SLC7A5: variants seen among roughly 807,000 people sequenced by gnomAD.
The protein encoded by SLC7A5 is large neutral amino acids transporter small subunit 1.
A neutral mutation model predicts 50.2 loss-of-function variants in SLC7A5; 23 were observed. That is an observed-to-expected ratio of 0.46 (90% CI 0.33 to 0.65). The LOEUF is 0.65. Among genes scored for constraint, SLC7A5 ranks in the 30% least tolerant of loss-of-function variants. The pLI, the probability that SLC7A5 is intolerant of heterozygous loss-of-function variation, is 0.02. For synonymous variants in SLC7A5, 393 were observed against 330.6 expected, an observed-to-expected ratio of 1.19 and a Z score of -2.05; for missense variants, 578 against 684.4, an observed-to-expected ratio of 0.84 and a Z score of 1.73.
chr16:87,846,451 C>T lies in SLC7A5; in HGVS notation c.664+5273G>A, dbSNP rs944698463. Among the ~76,000 whole-genome samples the T allele has an allele frequency of 2.4e-4, 37 of 152,238 alleles. 1 individual carries two copies. Among genetic ancestry groups the T allele is most frequent in the Non-Finnish European group, 1.5e-5 (1 of 68,040 alleles). On this transcript the variant is annotated intron_variant, in intron 2 of 9. Coordinates refer to ENST00000261622, the MANE Select transcript of SLC7A5 (RefSeq NM_003486.7). ...GCGGGGCCCGAAGCTCCATCCTGTC[C>T]CCCAAAACTCAGACGTGGAAGCCCT...
Position 87,841,794 on chromosome 16 carries a change from C to T in SLC7A5, c.665-639G>A, listed in dbSNP as rs566476385. 9.2e-5 allele frequency among the ~76,000 whole-genome samples: 14 copies of T among 152,364 alleles called. No individual in the cohort carries two copies. The East Asian group carries it at 2.5e-3, about 27-fold the overall frequency. On this transcript the variant is annotated intron_variant, in intron 2 of 9. Coordinates refer to ENST00000261622, the MANE Select transcript of SLC7A5 (RefSeq NM_003486.7). This position sits in a 1 kb window ranked among gnomAD's most constrained non-coding sequence, Gnocchi z 4.8. ...AGCTCTCTCCTTTGCCCTCTGAGGA[C>T]ACGCGTCACTGGACTTCGTGACTGC...
rs2143824529 is a variant in SLC7A5 at position 87,861,167 on chromosome 16, C to T, written c.538+7718G>A. Among the ~76,000 whole-genome samples, 1 of 152,326 alleles carries T rather than the reference C, an allele frequency of 6.6e-6. No individual in the cohort carries two copies. On this transcript the variant is annotated intron_variant, in intron 1 of 9. Transcript: ENST00000261622. The surrounding 1 kb of genome is among the most constrained non-coding windows in gnomAD (Gnocchi z 4.2). ...GCAAGGCCTGCCCATGGCCAGCTAT[C>T]CAGGTGATGCTCCAGGGAGGGCCAG... is the stretch of plus-strand genomic sequence containing the variant.
chr16:87,841,404 C>A lies in SLC7A5; in HGVS notation c.665-249G>T, dbSNP rs1231732590. Among the ~76,000 whole-genome samples, 1 of 152,200 alleles carries A rather than the reference C, an allele frequency of 6.6e-6. No homozygotes were observed. Among genetic ancestry groups the A allele is most frequent in the Non-Finnish European group, 1.5e-5 (1 of 68,036 alleles). ...GAGAGGGCACAGGCAGTTCTGACCA[C>A]TGCCCAGGAGGGCTCCTCAGACGCT... On this transcript the variant is annotated intron_variant, in intron 2 of 9. Transcript: ENST00000261622. The surrounding 1 kb of genome is among the most constrained non-coding windows in gnomAD (Gnocchi z 4.8).
At chr16:87,859,417 C>T (rs1471996164) in intron 1 of SLC7A5, among the ~76,000 whole-genome samples, 3 of 152,276 alleles carry the variant, frequency 2.0e-5, no homozygotes, top group Non-Finnish European at 4.4e-5. Flanking sequence ...GGACTGGCCC[C>T]GGGGTCACCA....
chr16:87,866,660 T>A (rs1251794707), intron 1 of SLC7A5, among the ~76,000 whole-genome samples: 2 of 152,058 alleles, frequency 1.3e-5, no homozygotes, highest in African/African-American at 4.8e-5. Context: ...AGAGATGGGG[T>A]TTCACCATGT....
At chr16:87,864,061 G>C (rs1252104788) in intron 1 of SLC7A5, among the ~76,000 whole-genome samples, 3 of 140,990 alleles carry the variant, frequency 2.1e-5, no homozygotes, top group Non-Finnish European at 4.6e-5. Context: ...GGAGGCCGAG[G>C]TGGGCGGATC....
chr16:87,842,688 G>A (rs1597498708), intron 2 of SLC7A5, among the ~76,000 whole-genome samples: 1 of 152,174 alleles, frequency 6.6e-6, no homozygotes, highest in South Asian at 2.1e-4. Flanking sequence ...GGTTCCCTGA[G>A]GGCTGCCCGC....
Position 87,869,184 on chromosome 16 carries a change from C to G in SLC7A5, c.239G>C (p.Gly80Ala). Residue 80 changes from glycine (G) to alanine (A), a missense_variant, in exon 1 of 10, where the codon GGC (glycine) becomes GCC (alanine). Transcript: ENST00000261622. ...VTPTGVLKEA[G>A]SPGLALVVWA... ...CACCACCAGCGCCAGCCCCGGCGAGCCTGCCTCCTTGAGCACGCCCGTGGG... is the reference window on the plus strand; with the variant it reads ...CACCACCAGCGCCAGCCCCGGCGAGGCTGCCTCCTTGAGCACGCCCGTGGG... 1.9e-6 allele frequency: 3 copies of G among 1,612,444 alleles called. No individual in the cohort carries two copies. The highest frequency in any genetic ancestry group is 1.7e-6 in the Non-Finnish European group (2 of 1,179,790).
At chr16:87,840,730 G>A (rs4843714) in intron 3 of SLC7A5, among the ~76,000 whole-genome samples, 35,789 of 152,118 alleles carry the variant, frequency 0.24, 4,488 homozygotes, top group South Asian at 0.42. Flanking sequence ...TGTGAGGCCC[G>A]CCTGAGCGCA....
In SLC7A5 at chr16:87,861,906, C is replaced by A. The variant is rs376475488; in HGVS notation, c.538+6979G>T. Among the ~76,000 whole-genome samples the A allele has an allele frequency of 3.9e-5, 6 of 152,186 alleles. No homozygotes were observed. The highest frequency in any genetic ancestry group is 8.8e-5 in the Non-Finnish European group (6 of 68,026). On this transcript the variant is annotated intron_variant, in intron 1 of 9. Transcript: ENST00000261622. This position sits in a 1 kb window ranked among gnomAD's most constrained non-coding sequence, Gnocchi z 4.2. ...TAGGTGCCGGCGGCACTTTCATGTG[C>A]GGCTGGGAAAGTCAGATTTCAGCAC...
chr16:87,861,055 G>T lies in SLC7A5; in HGVS notation c.538+7830C>A, dbSNP rs71392315. Among the ~76,000 whole-genome samples the T allele has an allele frequency of 1.3e-5, 2 of 152,204 alleles. No homozygotes were observed. The highest frequency in any genetic ancestry group is 2.9e-5 in the Non-Finnish European group (2 of 68,026). On this transcript the variant is annotated intron_variant, in intron 1 of 9. Transcript: ENST00000261622. This position sits in a 1 kb window ranked among gnomAD's most constrained non-coding sequence, Gnocchi z 4.2. Reference sequence around the variant, plus strand: ...GGAAAAGGGCAGCAGCGGGAAGAGGGTGCTGCCACAGGGCCTCTGGGGAGC... The same window carrying T: ...GGAAAAGGGCAGCAGCGGGAAGAGGTTGCTGCCACAGGGCCTCTGGGGAGC...
intron 1 of SLC7A5, among the ~76,000 whole-genome samples, chr16:87,859,678 T>C (rs1311329056): frequency 2.0e-5 from 3 of 152,088 alleles, no homozygotes; most frequent in Non-Finnish European, 2.9e-5. Flanking sequence ...CAGTGGCTCA[T>C]GCCTGTAATC....
chr16:87,841,072 C>T lies in SLC7A5; in HGVS notation c.748G>A (p.Gly250Ser), dbSNP rs781777530. The stretch of plus-strand genomic sequence containing the variant: ...TACCATCCTCCATAGGCAAAGAGGC[C>T]GCTGTATAATGCCAGCACAATGTTC... The part of the protein sequence containing the change: ...VGNIVLALYS[G>S]LFAYGGWNYL... The change falls in exon 3 of 10, where the codon GGC (glycine) becomes AGC (serine). Residue 250 changes from glycine to serine, a missense_variant. Around this residue, in one of 2 missense-constraint regions of SLC7A5, gnomAD observed 465 missense variants for 594.6 expected, o/e 0.78. Coordinates refer to ENST00000261622, the MANE Select transcript of SLC7A5 (RefSeq NM_003486.7). The surrounding 1 kb of genome is among the most constrained non-coding windows in gnomAD (Gnocchi z 4.8). 7.4e-6 allele frequency: 12 copies of T among 1,613,304 alleles called. No individual in the cohort carries two copies. Among genetic ancestry groups the T allele is most frequent in the African/African-American group, 2.7e-5 (2 of 74,870 alleles).
chr16:87,863,070 A>C (rs1372297214), intron 1 of SLC7A5, among the ~76,000 whole-genome samples: 6 of 152,344 alleles, frequency 3.9e-5, no homozygotes, highest in African/African-American at 1.4e-4. Flanking sequence ...TGGGACAGGG[A>C]AACAGGAGGG....
Position 87,863,986 on chromosome 16 carries a change from A to AAAAAAT in SLC7A5, c.538+4898_538+4899insATTTTT, listed in dbSNP as rs376938738. ...CCAACCTTATGTGTGATCATTTAAA[A>AAAAAAT]ATATATATATATATATATATATCAG... is the stretch of plus-strand genomic sequence containing the variant. On this transcript the variant is annotated intron_variant, in intron 1 of 9. Coordinates refer to ENST00000261622, the MANE Select transcript of SLC7A5 (RefSeq NM_003486.7). Among the ~76,000 whole-genome samples the AAAAAAT allele has an allele frequency of 8.2e-3, 683 of 83,298 alleles. 9 individuals are homozygous for AAAAAAT. The highest frequency in any genetic ancestry group is 0.025 in the African/African-American group (653 of 25,736). The allele number at this position is 83,298 out of a possible 152,430, so 54.6% of individuals were successfully genotyped here. A position where few individuals can be genotyped will look rare whatever the true frequency, so the allele number is the denominator to read the frequency against.
intron 1 of SLC7A5, among the ~76,000 whole-genome samples, chr16:87,857,352 A>T (rs1451751634): frequency 6.6e-6 from 1 of 152,084 alleles, no homozygotes; most frequent in Non-Finnish European, 1.5e-5. Context: ...CCTCCCGAGT[A>T]GCTGCAGCCT....
At chr16:87,839,964 C>T in intron 4 of SLC7A5, 139 bp from the exon 5 acceptor site, 1 of 1,157,562 alleles carries the variant, frequency 8.6e-7, no homozygotes, top group Non-Finnish European at 1.3e-6. Flanking sequence ...TGGGAAGCAG[C>T]AAGAGAACAC....
chr16:87,857,043 C>A (rs1289317049), intron 1 of SLC7A5, among the ~76,000 whole-genome samples: 1 of 152,192 alleles, frequency 6.6e-6, no homozygotes, highest in Non-Finnish European at 1.5e-5. Flanking sequence ...GACCCAGTGA[C>A]CCCTGTCCTC....
chr16:87,837,696 TG>T, intron 7 of SLC7A5, 148 bp downstream of exon 7: 1 of 637,602 alleles, frequency 1.6e-6, no homozygotes, highest in Non-Finnish European at 2.8e-6. Context: ...CAGCGCTCTC[TG>T]GCATTCAGCG....
Sources: gnomAD v4.1 joint callset for allele counts (sites outside exome capture counted in the v4.1 genomes callset) on GRCh38, gnomAD v4.1.1 for gene constraint, gnomAD v4.1.1 regional missense constraint, Gnocchi (gnomAD v3.1) non-coding constraint, MANE v1.5 for transcripts, NCBI Gene and HGNC (gene_info 2026-07-23, HGNC 2026-07-21) for gene names.